Variants in KCNMA1 observed in about 807,000 individuals in gnomAD.
KCNMA1 encodes the protein Calcium-activated potassium channel subunit alpha-1.
In KCNMA1, 29 loss-of-function variants were observed where a neutral mutation model predicts 140.0. The ratio of observed to expected loss-of-function variants is 0.21; its 90% CI spans 0.15 to 0.28. The LOEUF (loss-of-function observed/expected upper bound fraction) is 0.28, where lower values mean the gene tolerates loss of function less well. KCNMA1 is among the 10% of genes least tolerant of loss of function. The pLI is 1.00. For missense variants in KCNMA1, 880 were observed against 1,602.2 expected (o/e 0.55, Z 7.70); for synonymous variants, 612 against 611.9 (o/e 1.00, Z 0.00).
intron 1 of KCNMA1, among the ~76,000 whole-genome samples, chr10:77,439,143 AAG>A (rs879303372): frequency 0.024 from 3,230 of 133,362 alleles, 41 homozygotes; most frequent in South Asian, 0.058. Context: ...AAGAGAAGAG[AAG>A]AGAAAAGAGA....
At chr10:77,198,085 T>G (rs2041197272) in intron 3 of KCNMA1, among the ~76,000 whole-genome samples, 1 of 152,180 alleles carries the variant, frequency 6.6e-6, no homozygotes, top group African/African-American at 2.4e-5. Context: ...AATAACCTCA[T>G]GAGAGTTTTT....
At chr10:77,274,942 G>A (rs1013553017) in intron 2 of KCNMA1, among the ~76,000 whole-genome samples, 5 of 152,324 alleles carry the variant, frequency 3.3e-5, no homozygotes, top group East Asian at 3.9e-4. Context: ...AGCCTTGGCT[G>A]GCCATGGTGT....
chr10:76,917,694 G>A (rs2053545081), intron 23 of KCNMA1, among the ~76,000 whole-genome samples: 1 of 152,146 alleles, frequency 6.6e-6, no homozygotes, highest in African/African-American at 2.4e-5. Context: ...TTATTGCTAA[G>A]AAAACTTCAT....
chr10:77,045,316 CA>C (rs1418998422), intron 14 of KCNMA1, among the ~76,000 whole-genome samples: 4 of 152,294 alleles, frequency 2.6e-5, no homozygotes, highest in African/African-American at 7.2e-5. Context: ...TTTCCTGAGG[CA>C]GCAATTTATC....
rs1025160866 is a variant in KCNMA1, at chr10:76,886,598, C to A, written c.*668G>T. On this transcript the variant is annotated 3_prime_UTR_variant, in exon 28 of 28. Coordinates refer to ENST00000286628, the MANE Select transcript of KCNMA1 (RefSeq NM_001161352.2). ...AAGGTGAGAAATGTTCATAAGAACT[C>A]CCAGAGGGAACTGGCTCTGGGACAA... 1 of 988,878 alleles carries A rather than the reference C, an allele frequency of 1.0e-6. No individual in the cohort carries two copies. The highest frequency in any genetic ancestry group is 1.2e-6 in the Non-Finnish European group (1 of 832,166). 61.3% of individuals were successfully genotyped at this position (988,878 alleles called of 1,614,324 possible).
chr10:77,140,744 A>C (rs979990398), intron 5 of KCNMA1: 87 of 152,386 alleles, frequency 5.7e-4, no homozygotes, highest in African/African-American at 2.0e-3. Flanking sequence ...TGGGCACTGG[A>C]TGCACGCAGC....
chr10:77,069,535 A>T (rs78624319), intron 14 of KCNMA1, among the ~76,000 whole-genome samples: 3 of 152,110 alleles, frequency 2.0e-5, no homozygotes, highest in Non-Finnish European at 4.4e-5. Context: ...AAATAGCCAG[A>T]AAAAAAATAT....
Position 77,585,575 on chromosome 10 carries a change from A to T in KCNMA1, c.378+51690T>A, listed in dbSNP as rs183393000. On this transcript the variant is annotated intron_variant, in intron 1 of 27. Transcript: ENST00000286628. ...TAACCCTTCCTTGAACATGCTCTGC[A>T]CTTTACCCAGCTTTTCTGTTCTCAT... 9.8e-5 allele frequency among the ~76,000 whole-genome samples: 15 copies of T among 152,310 alleles called. No individual in the cohort carries two copies. The East Asian group carries it at 2.7e-3, about 27-fold the overall frequency.
chr10:77,069,205 TA>T (rs2096086132), intron 14 of KCNMA1, among the ~76,000 whole-genome samples: 2 of 152,150 alleles, frequency 1.3e-5, no homozygotes, highest in Non-Finnish European at 2.9e-5. Flanking sequence ...CCTGACAGGC[TA>T]GGAGTAGGAG....
At chr10:77,420,159 C>G (rs892588011) in intron 1 of KCNMA1, among the ~76,000 whole-genome samples, 9 of 152,190 alleles carry the variant, frequency 5.9e-5, no homozygotes, top group Admixed American at 2.0e-4. Context: ...AACTCATGGT[C>G]CCAGCACAGC....
intron 3 of KCNMA1, among the ~76,000 whole-genome samples, chr10:77,216,523 A>G (rs1427493642): frequency 6.6e-6 from 1 of 152,204 alleles, no homozygotes; most frequent in African/African-American, 2.4e-5. Context: ...TGCCACCAAG[A>G]AAGAAAATAT....
At chr10:77,320,695 A>G (rs573420124) in intron 2 of KCNMA1, among the ~76,000 whole-genome samples, 3 of 152,326 alleles carry the variant, frequency 2.0e-5, no homozygotes, top group South Asian at 2.1e-4. Flanking sequence ...CAGCAGACAC[A>G]TTGAACTAAA....
chr10:77,085,490 TA>T (rs1312275532), intron 11 of KCNMA1, among the ~76,000 whole-genome samples: 2 of 152,194 alleles, frequency 1.3e-5, no homozygotes, highest in Non-Finnish European at 2.9e-5. Context: ...ACATAAGCAA[TA>T]ACTTGAGTTA....
intron 26 of KCNMA1, chr10:76,891,264 C>T (rs1390902114): frequency 4.0e-6 from 2 of 497,622 alleles, no homozygotes; most frequent in African/African-American, 1.9e-5. Flanking sequence ...AGTGCTCATT[C>T]TCTCTGGGCC....
chr10:77,164,682 A>C (rs1254035443), intron 5 of KCNMA1, among the ~76,000 whole-genome samples: 4 of 152,228 alleles, frequency 2.6e-5, no homozygotes, highest in East Asian at 1.9e-4. Context: ...CCCATGGATC[A>C]TTTGGTTTTC....
intron 5 of KCNMA1, chr10:77,149,937 A>T (rs1274144082): frequency 6.6e-6 from 1 of 152,226 alleles, no homozygotes; most frequent in Non-Finnish European, 1.5e-5. Context: ...ACTGATGAAG[A>T]TGGATCACAC....
Position 76,885,917 on chromosome 10 carries a change from G to A in KCNMA1, c.*1349C>T, listed in dbSNP as rs192565576. ...CACTGTTGCACTCTTCTTATCCCAC[G>A]TCTCATAATGACAAGGAGCAGCTCT... On this transcript the variant is annotated 3_prime_UTR_variant, in exon 28 of 28. Transcript: ENST00000286628. 4.4e-5 allele frequency: 43 copies of A among 985,326 alleles called. No individual in the cohort carries two copies. Among genetic ancestry groups the A allele is most frequent in the Admixed American group, 2.5e-4 (4 of 16,282 alleles). The allele number at this position is 985,326 out of a possible 1,614,324, so 61.0% of individuals were successfully genotyped here.
intron 20 of KCNMA1, among the ~76,000 whole-genome samples, chr10:76,957,814 G>C (rs756562749): frequency 2.0e-5 from 3 of 152,230 alleles, no homozygotes; most frequent in Non-Finnish European, 4.4e-5. Context: ...GTAAGGGCCA[G>C]CACTGTTACA....
At chr10:77,438,621 T>C (rs949229795) in intron 1 of KCNMA1, among the ~76,000 whole-genome samples, 1 of 151,102 alleles carries the variant, frequency 6.6e-6, no homozygotes, top group African/African-American at 2.4e-5. Context: ...CTCTATGATA[T>C]GTTGTAAGAT....
Sources: allele counts gnomAD v4.1 joint callset (sites outside exome capture counted in the v4.1 genomes callset), GRCh38; gene constraint gnomAD v4.1.1; transcripts MANE v1.5; gene names NCBI Gene and HGNC (gene_info 2026-07-23, HGNC 2026-07-21).